Variants in CDC42SE2 observed in about 807,000 individuals in gnomAD.
The protein encoded by CDC42SE2 is CDC42 small effector 2.
CDC42SE2 carries 3 observed loss-of-function variants against 11.5 expected under a neutral mutation model. That is an observed-to-expected ratio of 0.26 (90% CI 0.12 to 0.67). The LOEUF is 0.67. Ranked by LOEUF, CDC42SE2 falls within the 30% of genes least tolerant of loss-of-function variation. CDC42SE2 has a pLI of 0.80. For missense variants in CDC42SE2, 82 were observed against 106.8 expected, an observed-to-expected ratio of 0.77 and a Z score of 1.02; for synonymous variants, 33 against 34.8, an observed-to-expected ratio of 0.95 and a Z score of 0.18.
At chr5:131,321,713 A>G (rs1025819972) in intron 2 of CDC42SE2, among the ~76,000 whole-genome samples, 7 of 151,934 alleles carry the variant, frequency 4.6e-5, no homozygotes, top group Middle Eastern at 3.2e-3. Flanking sequence ...ACTTAATTCT[A>G]TCTTCCCCCC....
Position 131,359,627 on chromosome 5 carries a change from C to G in CDC42SE2, c.54+80C>G, listed in dbSNP as rs1561598255. 4 of 1,018,290 alleles carry G rather than the reference C, an allele frequency of 3.9e-6. No homozygotes were observed. In the East Asian group the frequency reaches 9.5e-5, roughly 24 times the overall value. 63.1% of individuals were successfully genotyped at this position (1,018,290 alleles called of 1,614,324 possible). A position where few individuals can be genotyped will look rare whatever the true frequency, so the allele number is the denominator to read the frequency against. On this transcript the variant is annotated intron_variant, in intron 3 of 4. Coordinates refer to ENST00000505065, the MANE Select transcript of CDC42SE2 (RefSeq NM_001375635.1). ...GGTTCTCAAACTGAGGATTGGGATC[C>G]TAGCAGTAATTGCAAAGCAGTTGTA...
At chr5:131,375,599 T>C (rs1020021680) in intron 3 of CDC42SE2, among the ~76,000 whole-genome samples, 2 of 152,224 alleles carry the variant, frequency 1.3e-5, no homozygotes, top group African/African-American at 2.4e-5. Flanking sequence ...GTGAGTGAGC[T>C]AAGCTCTAGA....
At chr5:131,333,293 T>C (rs866566796) in intron 2 of CDC42SE2, among the ~76,000 whole-genome samples, 1 of 152,236 alleles carries the variant, frequency 6.6e-6, no homozygotes, top group South Asian at 2.1e-4. Flanking sequence ...TGCGGCATTA[T>C]TTCTGAGGGC....
intron 2 of CDC42SE2, among the ~76,000 whole-genome samples, chr5:131,344,567 A>C (rs544279691): frequency 7.4e-4 from 112 of 152,262 alleles, no homozygotes; most frequent in South Asian, 6.0e-3. Context: ...GACTCCACCT[A>C]TGGGGGCAGG....
At chr5:131,284,863 A>G (rs1029760137) in intron 1 of CDC42SE2, among the ~76,000 whole-genome samples, 28 of 152,120 alleles carry the variant, frequency 1.8e-4, no homozygotes, top group African/African-American at 6.8e-4. Flanking sequence ...GTTTTTTTAA[A>G]TGATAATAGA....
chr5:131,371,085 G>T lies in CDC42SE2; in HGVS notation c.54+11538G>T, dbSNP rs144424710. Among the ~76,000 whole-genome samples the T allele has an allele frequency of 6.0e-3, 907 of 152,282 alleles. 6 individuals carry two copies. Among genetic ancestry groups the T allele is most frequent in the African/African-American group, 0.021 (869 of 41,562 alleles). On this transcript the variant is annotated intron_variant, in intron 3 of 4. Transcript: ENST00000505065. ...TGACTAAAGGGAAGTTAGAACTTAAGTAATTATCTGGGATTTAATAATATA... is the reference window on the plus strand; with the variant it reads ...TGACTAAAGGGAAGTTAGAACTTAATTAATTATCTGGGATTTAATAATATA...
At chr5:131,336,489 C>G (rs1051559771) in intron 2 of CDC42SE2, among the ~76,000 whole-genome samples, 13 of 152,100 alleles carry the variant, frequency 8.5e-5, no homozygotes, top group Non-Finnish European at 1.5e-4. Flanking sequence ...GTGGTGTTCT[C>G]TGTATTTCCT....
At chr5:131,351,757 A>G (rs1189198198) in intron 2 of CDC42SE2, among the ~76,000 whole-genome samples, 5 of 152,232 alleles carry the variant, frequency 3.3e-5, no homozygotes, top group African/African-American at 4.8e-5. Flanking sequence ...TATCTTTGCA[A>G]CTTTGGGATA....
chr5:131,220,346 C>T, the CDC42SE2 span, among the ~76,000 whole-genome samples: 4 of 152,064 alleles, frequency 2.6e-5, no homozygotes, highest in African/African-American at 9.7e-5. Context: ...GCTGGGACTA[C>T]AGGCGTCTGC....
At chr5:131,347,924 AG>A (rs1758893248) in intron 2 of CDC42SE2, among the ~76,000 whole-genome samples, 1 of 152,230 alleles carries the variant, frequency 6.6e-6, no homozygotes, top group African/African-American at 2.4e-5. Flanking sequence ...GATGCAGAAA[AG>A]GCCTTTGACA....
upstream of CDC42SE2, among the ~76,000 whole-genome samples, chr5:131,241,265 TTA>T (rs201025043): frequency 6.1e-3 from 933 of 152,262 alleles, 10 homozygotes; most frequent in Middle Eastern, 0.071. Flanking sequence ...CCCAGCGGTT[TTA>T]TGTTTTTTTC....
chr5:131,230,127 C>T, the CDC42SE2 span, among the ~76,000 whole-genome samples: 1 of 151,864 alleles, frequency 6.6e-6, no homozygotes, highest in African/African-American at 2.4e-5. Flanking sequence ...TAGAAGGTTG[C>T]TGAGCATCCT....
At chr5:131,291,634 T>C (rs1200424983) in intron 1 of CDC42SE2, among the ~76,000 whole-genome samples, 1 of 152,234 alleles carries the variant, frequency 6.6e-6, no homozygotes, top group Non-Finnish European at 1.5e-5. Context: ...TTTAAAAATA[T>C]GAATTCTTCT....
At chr5:131,383,263 C>T (rs2149787516) in intron 3 of CDC42SE2, among the ~76,000 whole-genome samples, 1 of 152,252 alleles carries the variant, frequency 6.6e-6, no homozygotes, top group South Asian at 2.1e-4. Flanking sequence ...AAAAAGATAG[C>T]AGGAAACCAG....
chr5:131,293,747 C>T (rs1291204500), intron 1 of CDC42SE2, among the ~76,000 whole-genome samples: 1 of 152,128 alleles, frequency 6.6e-6, no homozygotes, highest in Non-Finnish European at 1.5e-5. Context: ...TAAGAACTTA[C>T]TTTTCTTATG....
the CDC42SE2 span, among the ~76,000 whole-genome samples, chr5:131,216,540 A>G: frequency 2.0e-5 from 3 of 151,332 alleles, no homozygotes; most frequent in Non-Finnish European, 4.4e-5. Flanking sequence ...GACTATAACT[A>G]AAAGTGTAAC....
intron 1 of CDC42SE2, among the ~76,000 whole-genome samples, chr5:131,268,224 G>T (rs1177638551): frequency 1.3e-5 from 2 of 151,236 alleles, no homozygotes; most frequent in Non-Finnish European, 2.9e-5. Flanking sequence ...CACCATGCCT[G>T]ACTAATTTCT....
intron 3 of CDC42SE2, among the ~76,000 whole-genome samples, chr5:131,382,053 A>AT: frequency 6.6e-6 from 1 of 152,242 alleles, no homozygotes. Flanking sequence ...ATTAGATGCC[A>AT]TGAAGAAACC....
At chr5:131,307,404 T>C (rs991101366) in intron 1 of CDC42SE2, among the ~76,000 whole-genome samples, 2 of 152,086 alleles carry the variant, frequency 1.3e-5, no homozygotes, top group African/African-American at 4.8e-5. Flanking sequence ...ACTCATCATT[T>C]TTTATGGCTG....
Sources: gnomAD v4.1 joint callset for allele counts (sites outside exome capture counted in the v4.1 genomes callset) on GRCh38, gnomAD v4.1.1 for gene constraint, MANE v1.5 for transcripts, NCBI Gene and HGNC (gene_info 2026-07-23, HGNC 2026-07-21) for gene names.